Variants in EPOR observed in about 807,000 individuals in gnomAD.
The protein encoded by EPOR is erythropoietin receptor.
A neutral mutation model predicts 34.3 loss-of-function variants in EPOR; 20 were observed. The ratio of observed to expected loss-of-function variants is 0.58; its 90% CI spans 0.41 to 0.85. The LOEUF (loss-of-function observed/expected upper bound fraction) is 0.85. EPOR is among the 40% of genes least tolerant of loss of function. The pLI is 0.00. For synonymous variants in EPOR, 312 were observed against 299.0 expected (o/e 1.04, Z -0.45); for missense variants, 601 against 672.7 (o/e 0.89, Z 1.18).
chr19:11,378,643 CA>C lies in EPOR; in HGVS notation c.915+47del. The C allele has an allele frequency of 6.2e-7, 1 of 1,614,148 alleles. No individual in the cohort carries two copies. ...CTCAGAGAGGCCTGCAGTTTGGCTG[CA>C]AGAAGCAGGGAAGCCCAGGCACTGA... On this transcript the variant is annotated intron_variant, in intron 7 of 7. Coordinates refer to ENST00000222139, the MANE Select transcript of EPOR (RefSeq NM_000121.4). This position sits in a 1 kb window ranked among gnomAD's most constrained non-coding sequence, Gnocchi z 5.3.
rs753446089 is a variant in EPOR at position 11,384,153 on chromosome 19, G to A, written c.55C>T (p.Leu19Phe). 1 of 1,550,302 alleles carries A rather than the reference G, an allele frequency of 6.5e-7. No homozygotes were observed. Among genetic ancestry groups the A allele is most frequent in the South Asian group, 1.2e-5 (1 of 84,040 alleles). ...WPQVGSLCLL[L>F]AGAAWAPPPN... ...GGGGGCGCCCAGGCGGCCCCAGCGA[G>A]CAGGAGACAAAGGGAGCCGACCTGG... The change falls in exon 1 of 8, where the codon CTC becomes TTC. Residue 19 changes from leucine (L) to phenylalanine (F), a missense_variant. Transcript: ENST00000222139.
Position 11,380,888 on chromosome 19 carries a change from G to T in EPOR, c.823C>A (p.Arg275Ser), listed in dbSNP as rs1968345368. The T allele has an allele frequency of 8.4e-6, 13 of 1,551,038 alleles. No homozygotes were observed. Among genetic ancestry groups the T allele is most frequent in the Middle Eastern group, 1.7e-4 (1 of 5,990 alleles). Residue 275 changes from arginine to serine, a missense_variant, in exon 6 of 8, where the codon CGC becomes AGC. By Grantham distance (110) the Arg-to-Ser change is moderately radical. Transcript: ENST00000222139. ...LLTVLALLSH[R>S]RALKQKIWPG... is the part of the protein sequence containing the mutation. ...GCGCCCAAATGGGGAGCTCACCGGC[G>T]GTGGGAGAGCAGCGCGAGCACGGTC...
In EPOR at chr19:11,381,783, C is replaced by G; in HGVS notation, c.494G>C (p.Arg165Pro). The change falls in exon 4 of 8, where the codon CGC (arginine) becomes CCC (proline). Residue 165 changes from arginine (R) to proline (P), a missense_variant. Coordinates refer to ENST00000222139, the MANE Select transcript of EPOR (RefSeq NM_000121.4). This position sits in a 1 kb window ranked among gnomAD's most constrained non-coding sequence, Gnocchi z 5.3. ...GGGTGTCTCAGGCGGCGGGAGCCAG[C>G]GCAACACTACGTGGCCGCTCTCGTC... is the stretch of plus-strand genomic sequence containing the variant. ...LADESGHVVL[R>P]WLPPPETPMT... 6.2e-7 allele frequency: 1 copy of G among 1,613,606 alleles called. No homozygotes were observed. Among genetic ancestry groups the G allele is most frequent in the African/African-American group, 1.3e-5 (1 of 75,060 alleles).
Position 11,377,850 on chromosome 19 carries a change from G to A in EPOR, c.*134C>T. Reference sequence around the variant, plus strand: ...CTGCAAGGTTGTGGTTTCCTGAGCAGGATGGATTGGGCAGACAAAATCAGC... The same window carrying A: ...CTGCAAGGTTGTGGTTTCCTGAGCAAGATGGATTGGGCAGACAAAATCAGC... On this transcript the variant is annotated 3_prime_UTR_variant, in exon 8 of 8. Coordinates refer to ENST00000222139, the MANE Select transcript of EPOR (RefSeq NM_000121.4). The A allele has an allele frequency of 9.4e-7, 1 of 1,058,454 alleles. No homozygotes were observed. The highest frequency in any genetic ancestry group is 1.3e-5 in the South Asian group (1 of 79,508). The allele number at this position is 1,058,454 out of a possible 1,614,324, so 65.6% of individuals were successfully genotyped here. A position where few individuals can be genotyped will look rare whatever the true frequency, so the allele number is the denominator to read the frequency against.
At position 11,378,917 on chromosome 19, in the gene EPOR, A is replaced by G. The variant is rs2144695124; in HGVS notation, c.828-139T>C. 1 of 855,850 alleles carries G rather than the reference A, an allele frequency of 1.2e-6. No homozygotes were observed. The highest frequency in any genetic ancestry group is 1.9e-6 in the Non-Finnish European group (1 of 526,228). The allele number at this position is 855,850 out of a possible 1,614,324, so 53.0% of individuals were successfully genotyped here. A position where few individuals can be genotyped will look rare whatever the true frequency, so the allele number is the denominator to read the frequency against. On this transcript the variant is annotated intron_variant, in intron 6 of 7. Transcript: ENST00000222139. This position sits in a 1 kb window ranked among gnomAD's most constrained non-coding sequence, Gnocchi z 5.3. ...GGAGGCAGAGGAGTACATCAGGGCC[A>G]GGGGACAGGGGTTTTGGCTGAAGCA...
rs1568329083 is a variant in EPOR, at chr19:11,380,872, T to C, written c.827+12A>G. The stretch of plus-strand genomic sequence containing the variant: ...GAGGAGTCTGGGCCCAGCGCCCAAA[T>C]GGGGAGCTCACCGGCGGTGGGAGAG... On this transcript the variant is annotated intron_variant, in intron 6 of 7. Coordinates refer to ENST00000222139, the MANE Select transcript of EPOR (RefSeq NM_000121.4). The C allele has an allele frequency of 1.3e-6, 2 of 1,549,040 alleles. No homozygotes were observed. Among genetic ancestry groups the C allele is most frequent in the Non-Finnish European group, 1.7e-6 (2 of 1,144,816 alleles).
chr19:11,379,958 C>A (rs1039981781), intron 6 of EPOR, among the ~76,000 whole-genome samples: 4 of 152,230 alleles, frequency 2.6e-5, no homozygotes, highest in African/African-American at 9.6e-5. Context: ...GCCTCGGCAT[C>A]CCAAAGTGCT....
In EPOR at chr19:11,383,165, C is replaced by A; in HGVS notation, c.183G>T (p.Val61=). 1 of 1,613,262 alleles carries A rather than the reference C, an allele frequency of 6.2e-7. No individual in the cohort carries two copies. The highest frequency in any genetic ancestry group is 8.5e-7 in the Non-Finnish European group (1 of 1,179,968). ...CGCTCGCCGCTTCCTCCCAGAAACA[C>A]ACCAAGTCCTCCAACCGCTCGGTGA... ...LCFTERLEDL[V]CFWEEAASAG... The change falls in exon 2 of 8, where the codon GTG becomes GTT. Residue 61 remains valine, a synonymous_variant. Coordinates refer to ENST00000222139, the MANE Select transcript of EPOR (RefSeq NM_000121.4). This position sits in a 1 kb window ranked among gnomAD's most constrained non-coding sequence, Gnocchi z 4.9.
At chr19:11,379,306 G>T (rs534494223) in intron 6 of EPOR, among the ~76,000 whole-genome samples, 23 of 152,258 alleles carry the variant, frequency 1.5e-4, no homozygotes, top group African/African-American at 5.5e-4. Flanking sequence ...TCCAAGCCAG[G>T]CACGGTGGCT....
chr19:11,382,994 G>A (rs971437772), intron 2 of EPOR, 103 bp downstream of exon 2: 15 of 1,598,412 alleles, frequency 9.4e-6, no homozygotes, highest in Admixed American at 5.1e-5. Flanking sequence ...TGGAGGCGCC[G>A]TCGGGCCTCA....
chr19:11,384,307 A>G lies in EPOR; in HGVS notation c.-100T>C. On this transcript the variant is annotated 5_prime_UTR_variant, in exon 1 of 8. Coordinates refer to ENST00000222139, the MANE Select transcript of EPOR (RefSeq NM_000121.4). ...GTCAGCAGCTGCCTCCGCCGGACGC[A>G]GCTGACCAGGCCCTTCCCGACCAGG... 1.2e-6 allele frequency: 1 copy of G among 811,446 alleles called. No homozygotes were observed. Among genetic ancestry groups the G allele is most frequent in the Non-Finnish European group, 2.1e-6 (1 of 487,260 alleles). The allele number at this position is 811,446 out of a possible 1,614,324, so 50.3% of individuals were successfully genotyped here.
At chr19:11,379,989 C>T (rs754116546) in intron 6 of EPOR, among the ~76,000 whole-genome samples, 2 of 152,190 alleles carry the variant, frequency 1.3e-5, no homozygotes, top group Non-Finnish European at 2.9e-5. Context: ...GCGTGAGCCA[C>T]CATGCCAGGC....
In EPOR at chr19:11,380,990, G is replaced by A. The variant is rs1450629205; in HGVS notation, c.740-19C>T. On this transcript the variant is annotated intron_variant, in intron 5 of 7. Transcript: ENST00000222139. ...TCCAGGTCTAAGAGGCGGGGAGGAG[G>A]TCAGGGCGGTGGGCTTGCCCCGTGA... is the stretch of plus-strand genomic sequence containing the variant. The A allele has an allele frequency of 3.9e-6, 6 of 1,553,586 alleles. No homozygotes were observed. Among genetic ancestry groups the A allele is most frequent in the Non-Finnish European group, 5.2e-6 (6 of 1,148,018 alleles).
chr19:11,381,299 A>C lies in EPOR; in HGVS notation c.586-90T>G, dbSNP rs1232255538. 2 of 1,428,838 alleles carry C rather than the reference A, an allele frequency of 1.4e-6. No homozygotes were observed. Among genetic ancestry groups the C allele is most frequent in the Non-Finnish European group, 1.9e-6 (2 of 1,042,046 alleles). The allele number at this position is 1,428,838 out of a possible 1,614,324, so 88.5% of individuals were successfully genotyped here. A position where few individuals can be genotyped will look rare whatever the true frequency, so the allele number is the denominator to read the frequency against. On this transcript the variant is annotated intron_variant, in intron 4 of 7. Transcript: ENST00000222139. The surrounding 1 kb of genome is among the most constrained non-coding windows in gnomAD (Gnocchi z 5.3). ...TGGTGGAACTGAGCCAATCAGGGGA[A>C]AGGAAAACGGTGCCCTAGAATTGCA...
intron 6 of EPOR, among the ~76,000 whole-genome samples, chr19:11,379,043 A>G (rs1968321478): frequency 6.6e-6 from 1 of 152,152 alleles, no homozygotes; most frequent in Non-Finnish European, 1.5e-5. Flanking sequence ...GGCCATGGCC[A>G]GGTGCAGTGG....
At chr19:11,382,512 C>A (rs1457500532) in intron 2 of EPOR, among the ~76,000 whole-genome samples, 1 of 151,984 alleles carries the variant, frequency 6.6e-6, no homozygotes, top group Non-Finnish European at 1.5e-5. Context: ...CACAGGCATG[C>A]GCCACCACGC....
In EPOR at chr19:11,383,106, T is replaced by C; in HGVS notation, c.242A>G (p.Tyr81Cys). Residue 81 changes from tyrosine to cysteine, a missense_variant, in exon 2 of 8, where the codon TAC becomes TGC. By Grantham distance (194) the Tyr-to-Cys change is radical. Transcript: ENST00000222139. The surrounding 1 kb of genome is among the most constrained non-coding windows in gnomAD (Gnocchi z 4.9). ...GVGPGNYSFSYQLEDEPWKLC... is the reference protein window; with the variant it reads ...GVGPGNYSFSCQLEDEPWKLC... ...GCCGGATCGGACTCACTCGAGCTGGTAGGAGAAGCTGTAGTTGCCCGGGCC... is the reference window on the plus strand; with the variant it reads ...GCCGGATCGGACTCACTCGAGCTGGCAGGAGAAGCTGTAGTTGCCCGGGCC... 6.2e-7 allele frequency: 1 copy of C among 1,613,222 alleles called. No homozygotes were observed. Among genetic ancestry groups the C allele is most frequent in the Non-Finnish European group, 8.5e-7 (1 of 1,179,750 alleles).
At position 11,383,123 on chromosome 19, in the gene EPOR, G is replaced by A. The variant is rs1258116425; in HGVS notation, c.225C>T (p.Gly75=). ...CGAGCTGGTAGGAGAAGCTGTAGTT[G>A]CCCGGGCCCACCCCAGCGCTCGCCG... is the stretch of plus-strand genomic sequence containing the variant. ...EEAASAGVGP[G]NYSFSYQLED... The change falls in exon 2 of 8, where the codon GGC becomes GGT. Residue 75 remains glycine, a synonymous_variant. Coordinates refer to ENST00000222139, the MANE Select transcript of EPOR (RefSeq NM_000121.4). This position sits in a 1 kb window ranked among gnomAD's most constrained non-coding sequence, Gnocchi z 4.9. 6.2e-7 allele frequency: 1 copy of A among 1,613,636 alleles called. No homozygotes were observed. The highest frequency in any genetic ancestry group is 1.7e-5 in the Admixed American group (1 of 60,016).
At position 11,383,756 on chromosome 19, in the gene EPOR, G is replaced by A. The variant is rs904624147; in HGVS notation, c.115+337C>T. On this transcript the variant is annotated intron_variant, in intron 1 of 7. Transcript: ENST00000222139. This position sits in a 1 kb window ranked among gnomAD's most constrained non-coding sequence, Gnocchi z 4.9. ...GGCTTTACCCTCCCTCCCCTAGGGA[G>A]GGTCGGCTTGGTCCCCACCCCCCAG... Among the ~76,000 whole-genome samples the A allele has an allele frequency of 6.6e-6, 1 of 152,030 alleles. No homozygotes were observed. The highest frequency in any genetic ancestry group is 2.4e-5 in the African/African-American group (1 of 41,398).
Sources: allele counts gnomAD v4.1 joint callset (sites outside exome capture counted in the v4.1 genomes callset), GRCh38; gene constraint gnomAD v4.1.1; non-coding constraint Gnocchi (gnomAD v3.1); transcripts MANE v1.5; gene names NCBI Gene and HGNC (gene_info 2026-07-23, HGNC 2026-07-21).